The following ARHGAP24 variants were observed in gnomAD, a reference collection of about 807,000 sequenced individuals.
ARHGAP24 encodes the protein rho GTPase-activating protein 24.
A neutral mutation model predicts 76.4 loss-of-function variants in ARHGAP24; 50 were observed. The observed-to-expected ratio is 0.65, with a 90% confidence interval of 0.52 to 0.83. The LOEUF is 0.83. Ranked by LOEUF, ARHGAP24 falls within the 40% of genes least tolerant of loss-of-function variation. The pLI is 0.00. For synonymous variants in ARHGAP24, 345 were observed against 323.3 expected, an observed-to-expected ratio of 1.07 and a Z score of -0.72; for missense variants, 930 against 914.2, an observed-to-expected ratio of 1.02 and a Z score of -0.22.
At chr4:85,616,617 G>C (rs1720547204) in intron 2 of ARHGAP24, among the ~76,000 whole-genome samples, 1 of 152,010 alleles carries the variant, frequency 6.6e-6, no homozygotes, top group African/African-American at 2.4e-5. Flanking sequence ...TCCTTTGCCT[G>C]TTTGTATTTT....
At chr4:85,792,215 A>C (rs1728162515) in intron 3 of ARHGAP24, among the ~76,000 whole-genome samples, 1 of 152,200 alleles carries the variant, frequency 6.6e-6, no homozygotes, top group Non-Finnish European at 1.5e-5. Context: ...GTCATACTCC[A>C]ATAAAAATCT....
intron 2 of ARHGAP24, among the ~76,000 whole-genome samples, chr4:85,657,163 A>T (rs1722206590): frequency 6.6e-6 from 1 of 150,918 alleles, no homozygotes; most frequent in South Asian, 2.1e-4. Context: ...CCTTAGCCTT[A>T]TTTTATTTTT....
intron 8 of ARHGAP24, among the ~76,000 whole-genome samples, chr4:85,977,901 G>A (rs1053241028): frequency 3.3e-5 from 5 of 151,910 alleles, no homozygotes; most frequent in South Asian, 2.1e-4. Flanking sequence ...TATACTAAAC[G>A]CCTCTTCATT....
intron 1 of ARHGAP24, among the ~76,000 whole-genome samples, chr4:85,501,060 T>A (rs1465211269): frequency 6.6e-6 from 1 of 152,210 alleles, no homozygotes; most frequent in Non-Finnish European, 1.5e-5. Context: ...CATCCTTTTT[T>A]ATGTCTGAAT....
intron 3 of ARHGAP24, among the ~76,000 whole-genome samples, chr4:85,834,823 C>G (rs927001776): frequency 2.6e-5 from 4 of 152,144 alleles, no homozygotes; most frequent in Non-Finnish European, 4.4e-5. Context: ...CAAGCCTTGC[C>G]CATTAATTGC....
At chr4:85,824,696 A>T (rs775427417) in intron 3 of ARHGAP24, among the ~76,000 whole-genome samples, 4 of 152,216 alleles carry the variant, frequency 2.6e-5, no homozygotes, top group Non-Finnish European at 4.4e-5. Context: ...AAGAGGAAAA[A>T]AAAACAACAT....
At chr4:85,604,911 A>C (rs1560549366) in intron 2 of ARHGAP24, among the ~76,000 whole-genome samples, 1 of 152,142 alleles carries the variant, frequency 6.6e-6, no homozygotes. Flanking sequence ...ACGGGGTTTC[A>C]CCATGTTGGT....
intron 1 of ARHGAP24, among the ~76,000 whole-genome samples, chr4:85,498,783 C>A (rs1723681665): frequency 6.6e-6 from 1 of 152,206 alleles, no homozygotes; most frequent in Non-Finnish European, 1.5e-5. Flanking sequence ...ATTTCACCAT[C>A]TTGTATGATA....
chr4:85,861,503 A>T (rs1051995436), intron 3 of ARHGAP24, among the ~76,000 whole-genome samples: 7 of 152,104 alleles, frequency 4.6e-5, no homozygotes, highest in African/African-American at 1.7e-4. Flanking sequence ...TTTGTAAATT[A>T]GTACCTGTCA....
At chr4:85,976,805 C>T (rs1363133472) in intron 7 of ARHGAP24, among the ~76,000 whole-genome samples, 1 of 142,292 alleles carries the variant, frequency 7.0e-6, no homozygotes, top group Non-Finnish European at 1.5e-5. Context: ...TTTCCGAGAC[C>T]GAGTTTCACT....
intron 1 of ARHGAP24, among the ~76,000 whole-genome samples, chr4:85,541,142 CTTTTTTTTTTTTTTTT>C (rs70948733): frequency 2.0e-5 from 1 of 49,740 alleles, no homozygotes; most frequent in Non-Finnish European, 3.1e-5. Flanking sequence ...CATCCATGAC[CTTTTTTTTTTTTTTTT>C]TTTTTTTTTT....
chr4:85,848,880 T>G (rs1731048734), intron 3 of ARHGAP24, among the ~76,000 whole-genome samples: 1 of 152,218 alleles, frequency 6.6e-6, no homozygotes, highest in East Asian at 1.9e-4. Context: ...TCAGGTAGCA[T>G]GATGTTTCCA....
intron 2 of ARHGAP24, among the ~76,000 whole-genome samples, chr4:85,698,092 T>C (rs1384553887): frequency 6.6e-6 from 1 of 152,186 alleles, no homozygotes; most frequent in Non-Finnish European, 1.5e-5. Context: ...GCCAGCAGTA[T>C]CTACTTACAC....
chr4:85,673,460 C>G (rs1247219174), intron 2 of ARHGAP24, among the ~76,000 whole-genome samples: 1 of 152,008 alleles, frequency 6.6e-6, no homozygotes, highest in Non-Finnish European at 1.5e-5. Flanking sequence ...TCTGTGAACT[C>G]TCTTTTCTTT....
At chr4:85,768,404 T>G (rs13150113) in intron 3 of ARHGAP24, among the ~76,000 whole-genome samples, 136,365 of 152,128 alleles carry the variant, frequency 0.9, 63,034 homozygotes, top group East Asian at 1. Flanking sequence ...AGCAGGCAAA[T>G]TAAAATCTGA....
At chr4:85,643,733 T>C (rs1294801817) in intron 2 of ARHGAP24, among the ~76,000 whole-genome samples, 1 of 152,180 alleles carries the variant, frequency 6.6e-6, no homozygotes, top group Non-Finnish European at 1.5e-5. Flanking sequence ...CTTTGTTTTA[T>C]TCCCCAAAAG....
chr4:85,605,521 TAAATA>T (rs1720165223), intron 2 of ARHGAP24, among the ~76,000 whole-genome samples: 1 of 152,210 alleles, frequency 6.6e-6, no homozygotes, highest in African/African-American at 2.4e-5. Context: ...TGGGAATGAT[TAAATA>T]GATTATCTTG....
chr4:85,701,874 A>C (rs937452452), intron 2 of ARHGAP24, among the ~76,000 whole-genome samples: 1 of 152,118 alleles, frequency 6.6e-6, no homozygotes, highest in African/African-American at 2.4e-5. Flanking sequence ...ATTTAATAAA[A>C]ATTCTTTTTT....
chr4:85,701,392 C>T (rs905865838), intron 2 of ARHGAP24, among the ~76,000 whole-genome samples: 1 of 152,076 alleles, frequency 6.6e-6, no homozygotes, highest in Non-Finnish European at 1.5e-5. Flanking sequence ...GAGCGCTGTA[C>T]ACTGCACCCA....
Sources: gnomAD v4.1 joint callset for allele counts (sites outside exome capture counted in the v4.1 genomes callset) on GRCh38, gnomAD v4.1.1 for gene constraint, MANE v1.5 for transcripts, NCBI Gene and HGNC (gene_info 2026-07-23, HGNC 2026-07-21) for gene names.